Variants in PHACTR3 observed in about 807,000 individuals in gnomAD.
PHACTR3 encodes phosphatase and actin regulator 3.
A neutral mutation model predicts 66.8 loss-of-function variants in PHACTR3; 16 were observed. That is an observed-to-expected ratio of 0.24 (90% CI 0.16 to 0.36). The LOEUF is 0.36. Among genes scored for constraint, PHACTR3 ranks in the 10% least tolerant of loss-of-function variants. The probability of loss-of-function intolerance (pLI) is 1.00; values close to 1 mark genes in which losing one functional copy is unlikely to be tolerated. For missense variants in PHACTR3, 647 were observed against 719.9 expected (o/e 0.90, Z 1.16); for synonymous variants, 323 against 292.1 (o/e 1.11, Z -1.08).
intron 1 of PHACTR3, among the ~76,000 whole-genome samples, chr20:59,646,437 CT>C (rs11476146): frequency 0.14 from 21,736 of 151,950 alleles, 1,727 homozygotes; most frequent in East Asian, 0.32. Context: ...TCATTGTTGC[CT>C]TTTTTTTAAA....
chr20:59,780,538 G>A lies in PHACTR3; in HGVS notation c.1174+6048G>A, dbSNP rs567405259. ...CTTTCCTAAGGGTACCAATCCCATT[G>A]GTGAGGGTTCCACCTAATGATCTAA... On this transcript the variant is annotated intron_variant, in intron 7 of 12. Transcript: ENST00000371015. Among the ~76,000 whole-genome samples the A allele has an allele frequency of 2.0e-5, 3 of 152,262 alleles. No individual in the cohort carries two copies. In the East Asian group the frequency reaches 5.8e-4, roughly 29 times the overall value.
intron 8 of PHACTR3, 24 bp downstream of exon 8, chr20:59,806,218 G>A: frequency 6.2e-7 from 1 of 1,610,910 alleles, no homozygotes; most frequent in Non-Finnish European, 8.5e-7. Flanking sequence ...TGCGGGCACA[G>A]CCGGGCCTGT....
chr20:59,749,420 A>G (rs1421168283), intron 3 of PHACTR3, among the ~76,000 whole-genome samples: 2 of 152,156 alleles, frequency 1.3e-5, no homozygotes. Flanking sequence ...GCTTTTTTCC[A>G]CTCTGAATTT....
intron 1 of PHACTR3, among the ~76,000 whole-genome samples, chr20:59,713,240 A>C (rs2037969483): frequency 6.6e-6 from 1 of 152,206 alleles, no homozygotes; most frequent in Admixed American, 6.5e-5. Context: ...TTCTATCTAC[A>C]TTTTAACACT....
chr20:59,680,142 C>A (rs2036591036), intron 1 of PHACTR3, among the ~76,000 whole-genome samples: 1 of 152,112 alleles, frequency 6.6e-6, no homozygotes, highest in African/African-American at 2.4e-5. Context: ...GGTCAAAGGA[C>A]CCTGGTCCAG....
chr20:59,780,154 C>T lies in PHACTR3; in HGVS notation c.1174+5664C>T, dbSNP rs527913369. 3.3e-5 allele frequency among the ~76,000 whole-genome samples: 5 copies of T among 152,242 alleles called. No homozygotes were observed. In the East Asian group the frequency reaches 7.7e-4, roughly 24 times the overall value. On this transcript the variant is annotated intron_variant, in intron 7 of 12. Coordinates refer to ENST00000371015, the MANE Select transcript of PHACTR3 (RefSeq NM_080672.5). Reference sequence around the variant, plus strand: ...ACTGATGGAAGGAAGCTGACTTCTCCAGAGCCCCCCAGCTGCCTGTGCTGC... The same window carrying T: ...ACTGATGGAAGGAAGCTGACTTCTCTAGAGCCCCCCAGCTGCCTGTGCTGC...
At chr20:59,796,753 T>A (rs953552826) in intron 7 of PHACTR3, among the ~76,000 whole-genome samples, 8 of 152,202 alleles carry the variant, frequency 5.3e-5, no homozygotes, top group African/African-American at 1.9e-4. Context: ...GACTTTGTTA[T>A]TTTTATTTCC....
chr20:59,820,720 G>A lies in PHACTR3; in HGVS notation c.1328+14526G>A, dbSNP rs1247026146. ...GGTCAGCTGCTGTTTGTTTTCCTTG[G>A]TTGCTTGGGAATCTGTAGAGGATGG... On this transcript the variant is annotated intron_variant, in intron 8 of 12. Transcript: ENST00000371015. This position sits in a 1 kb window ranked among gnomAD's most constrained non-coding sequence, Gnocchi z 4.6. Among the ~76,000 whole-genome samples the A allele has an allele frequency of 6.6e-6, 1 of 152,186 alleles. No individual in the cohort carries two copies. The highest frequency in any genetic ancestry group is 1.5e-5 in the Non-Finnish European group (1 of 68,042).
At position 59,703,918 on chromosome 20, in the gene PHACTR3, T is replaced by C. The variant is rs528373081; in HGVS notation, c.119-39189T>C. On this transcript the variant is annotated intron_variant, in intron 1 of 12. Coordinates refer to ENST00000371015, the MANE Select transcript of PHACTR3 (RefSeq NM_080672.5). ...TTTGTGTCCCTCCAGCAATTTCTCA[T>C]TTTTAAATTTTTCTTTGAAAACATG... Among the ~76,000 whole-genome samples the C allele has an allele frequency of 3.0e-4, 46 of 152,322 alleles. 1 individual carries two copies. Among genetic ancestry groups the C allele is most frequent in the African/African-American group, 1.1e-3 (45 of 41,594 alleles).
chr20:59,706,915 C>T (rs2037725977), intron 1 of PHACTR3, among the ~76,000 whole-genome samples: 1 of 152,156 alleles, frequency 6.6e-6, no homozygotes, highest in African/African-American at 2.4e-5. Context: ...CCTCTCAAGT[C>T]CTCACATCAT....
At chr20:59,759,212 TCCTGCGCCAGGGAC>T (rs994645525) in intron 4 of PHACTR3, among the ~76,000 whole-genome samples, 4 of 152,094 alleles carry the variant, frequency 2.6e-5, no homozygotes, top group African/African-American at 7.2e-5. Flanking sequence ...AGGCCTGGGA[TCCTGCGCCAGGGAC>T]CCTGCGCCAG....
intron 7 of PHACTR3, among the ~76,000 whole-genome samples, chr20:59,800,991 A>C (rs2146982569): frequency 6.6e-6 from 1 of 152,340 alleles, no homozygotes; most frequent in African/African-American, 2.4e-5. Context: ...CCCTCCGTCT[A>C]GTGCCATGTG....
At chr20:59,617,531 G>A (rs372041775) in intron 1 of PHACTR3, among the ~76,000 whole-genome samples, 2 of 151,558 alleles carry the variant, frequency 1.3e-5, no homozygotes, top group East Asian at 1.9e-4. Context: ...TATAGGAAAA[G>A]AGGGATTCCA....
intron 1 of PHACTR3, among the ~76,000 whole-genome samples, chr20:59,632,564 T>C (rs549088054): frequency 1.3e-4 from 20 of 152,274 alleles, no homozygotes; most frequent in African/African-American, 4.6e-4. Flanking sequence ...AAAGACAATT[T>C]TGAAGGTTGA....
At position 59,713,673 on chromosome 20, in the gene PHACTR3, G is replaced by A. The variant is rs538239393; in HGVS notation, c.119-29434G>A. Among the ~76,000 whole-genome samples the A allele has an allele frequency of 2.0e-5, 3 of 150,618 alleles. 1 individual carries two copies. The highest frequency in any genetic ancestry group is 2.0e-4 in the Admixed American group (3 of 15,150). ...ATCCAATCTACTGTTAATAACATTT[G>A]TGTTATTTCTAGTATTTGGCTGTTA... is the stretch of plus-strand genomic sequence containing the variant. On this transcript the variant is annotated intron_variant, in intron 1 of 12. Coordinates refer to ENST00000371015, the MANE Select transcript of PHACTR3 (RefSeq NM_080672.5).
At chr20:59,741,967 C>T (rs765813103) in intron 1 of PHACTR3, among the ~76,000 whole-genome samples, 5 of 152,212 alleles carry the variant, frequency 3.3e-5, no homozygotes, top group African/African-American at 9.6e-5. Context: ...TTCACCATGT[C>T]GGTCAGGCTG....
chr20:59,582,814 C>G (rs114573066), intron 1 of PHACTR3, among the ~76,000 whole-genome samples: 1,779 of 152,224 alleles, frequency 0.012, 42 homozygotes, highest in African/African-American at 0.04. Flanking sequence ...ATCTGGAACC[C>G]GATCCTCCGC....
chr20:59,666,754 G>T (rs1196976807), intron 1 of PHACTR3, among the ~76,000 whole-genome samples: 1 of 152,210 alleles, frequency 6.6e-6, no homozygotes, highest in Non-Finnish European at 1.5e-5. Flanking sequence ...GCAGACTGAA[G>T]CAGGGGCGGG....
intron 8 of PHACTR3, among the ~76,000 whole-genome samples, chr20:59,828,551 A>G (rs1350501651): frequency 6.6e-6 from 1 of 152,210 alleles, no homozygotes; most frequent in Non-Finnish European, 1.5e-5. Context: ...GAAAAGGGAC[A>G]AGACAGAACA....
Sources: gnomAD v4.1 joint callset for allele counts (sites outside exome capture counted in the v4.1 genomes callset) on GRCh38, gnomAD v4.1.1 for gene constraint, Gnocchi (gnomAD v3.1) non-coding constraint, MANE v1.5 for transcripts, NCBI Gene and HGNC (gene_info 2026-07-23, HGNC 2026-07-21) for gene names.